The following ERBIN variants were observed in gnomAD, a reference collection of about 807,000 sequenced individuals.
ERBIN encodes the protein densin-180-like protein.
Under a neutral mutation model 158.4 loss-of-function variants are expected in ERBIN, and 60 were observed. That is an observed-to-expected ratio of 0.38 (90% confidence interval 0.31 to 0.47). The LOEUF (loss-of-function observed/expected upper bound fraction) is 0.47, where lower values mean the gene tolerates loss of function less well. ERBIN is among the 20% of genes least tolerant of loss of function. The pLI is 0.99. For missense variants in ERBIN, 1,610 were observed against 1,648.0 expected, an observed-to-expected ratio of 0.98 and a Z score of 0.40; for synonymous variants, 594 against 557.2, an observed-to-expected ratio of 1.07 and a Z score of -0.93.
chr5:65,973,081 T>C (rs1259046050), intron 1 of ERBIN, among the ~76,000 whole-genome samples: 2 of 150,730 alleles, frequency 1.3e-5, no homozygotes, highest in African/African-American at 5.0e-5. Context: ...TATGCAGCCA[T>C]AAAAAAGGAT....
chr5:66,055,865 A>G (rs1759529434), intron 21 of ERBIN, among the ~76,000 whole-genome samples: 1 of 152,206 alleles, frequency 6.6e-6, no homozygotes, highest in African/African-American at 2.4e-5. Flanking sequence ...ATCAGTTTAC[A>G]TGAAATCTCA....
intron 1 of ERBIN, among the ~76,000 whole-genome samples, chr5:65,977,461 G>A (rs1426073608): frequency 6.6e-6 from 1 of 150,632 alleles, no homozygotes; most frequent in Non-Finnish European, 1.5e-5. Context: ...CCAGGCAGAG[G>A]GTCTCCTCAC....
chr5:65,930,137 C>T (rs1743187751), intron 1 of ERBIN, among the ~76,000 whole-genome samples: 1 of 152,100 alleles, frequency 6.6e-6, no homozygotes. Flanking sequence ...TTGCCATTTC[C>T]CTCTTTTCCA....
At chr5:65,980,707 A>G (rs1750557997) in intron 1 of ERBIN, among the ~76,000 whole-genome samples, 1 of 151,914 alleles carries the variant, frequency 6.6e-6, no homozygotes, top group African/African-American at 2.4e-5. Flanking sequence ...ACTAAAAGAC[A>G]AGGATTACTA....
intron 8 of ERBIN, 34 bp downstream of exon 8, chr5:66,021,419 C>T (rs762851010): frequency 2.8e-6 from 4 of 1,411,966 alleles, no homozygotes; most frequent in Non-Finnish European, 2.9e-6. Context: ...TCCCTAAGTT[C>T]TTATATTTAA....
In ERBIN at chr5:66,079,729, T is replaced by G. The variant is rs1762295105; in HGVS notation, c.*1199T>G. The G allele has an allele frequency of 1.3e-5, 2 of 152,598 alleles. No individual in the cohort carries two copies. The highest frequency in any genetic ancestry group is 4.1e-4 in the South Asian group (2 of 4,830). The allele number at this position is 152,598 out of a possible 1,614,324, so 9.5% of individuals were successfully genotyped here. A position where few individuals can be genotyped will look rare whatever the true frequency, so the allele number is the denominator to read the frequency against. On this transcript the variant is annotated 3_prime_UTR_variant, in exon 26 of 26. Transcript: ENST00000284037. ...AAAGGTGTTCAAATAAAGGGCTGTT[T>G]CTACAGGTAACATTAAATGTGAACT...
chr5:65,995,179 A>G (rs1034669173), intron 4 of ERBIN, among the ~76,000 whole-genome samples: 2 of 152,138 alleles, frequency 1.3e-5, no homozygotes, highest in African/African-American at 2.4e-5. Flanking sequence ...TTGTTTTTAC[A>G]TTTTTAATTG....
chr5:65,985,997 T>G (rs769553509), intron 1 of ERBIN, among the ~76,000 whole-genome samples: 1 of 152,206 alleles, frequency 6.6e-6, no homozygotes, highest in Non-Finnish European at 1.5e-5. Context: ...TGTTTTCTTT[T>G]GCCTCACTTG....
chr5:65,937,236 A>AG (rs1485346061), intron 1 of ERBIN, among the ~76,000 whole-genome samples: 13 of 152,130 alleles, frequency 8.5e-5, no homozygotes, highest in African/African-American at 3.1e-4. Flanking sequence ...CAGTCTCTTT[A>AG]TGCCTTTTGG....
rs1269334942 is a variant in ERBIN at position 66,080,463 on chromosome 5, A to T, written c.*1933A>T. The stretch of plus-strand genomic sequence containing the variant: ...TATTTTGATAAAATTCACTTATTGT[A>T]TGTGTGTTGTAATCTAAAAAAAAAA... On this transcript the variant is annotated 3_prime_UTR_variant, in exon 26 of 26. Transcript: ENST00000284037. The T allele has an allele frequency of 6.6e-6, 1 of 150,540 alleles. No individual in the cohort carries two copies. Among genetic ancestry groups the T allele is most frequent in the Non-Finnish European group, 1.5e-5 (1 of 67,724 alleles). 9.3% of individuals were successfully genotyped at this position (150,540 alleles called of 1,614,324 possible).
chr5:66,039,004 T>C (rs917379504), intron 15 of ERBIN, among the ~76,000 whole-genome samples: 1 of 151,644 alleles, frequency 6.6e-6, no homozygotes, highest in Non-Finnish European at 1.5e-5. Flanking sequence ...AAATTGTTTT[T>C]AGTATATGTT....
intron 1 of ERBIN, among the ~76,000 whole-genome samples, chr5:65,938,842 C>T (rs992618944): frequency 6.6e-6 from 1 of 152,032 alleles, no homozygotes; most frequent in Non-Finnish European, 1.5e-5. Flanking sequence ...TGAGCCACCG[C>T]GCCCGGCCAG....
At chr5:66,064,411 C>T (rs1041088176) in intron 21 of ERBIN, among the ~76,000 whole-genome samples, 1 of 152,154 alleles carries the variant, frequency 6.6e-6, no homozygotes, top group African/African-American at 2.4e-5. Flanking sequence ...CCTTGCTATA[C>T]AAATATTTCT....
At position 66,004,004 on chromosome 5, in the gene ERBIN, T is replaced by A. The variant is rs375214166; in HGVS notation, c.308-8045T>A. ...CCCAGGCTGGAGTACAGTGGCATGA[T>A]CATAGCTCACTGCATCCCGAACTCT... On this transcript the variant is annotated intron_variant, in intron 4 of 25. Transcript: ENST00000284037. Among the ~76,000 whole-genome samples, 9 of 146,178 alleles carry A rather than the reference T, an allele frequency of 6.2e-5. 1 individual carries two copies. The South Asian group carries it at 1.1e-3, about 19-fold the overall frequency.
At chr5:65,992,117 T>C (rs528924761) in intron 2 of ERBIN, among the ~76,000 whole-genome samples, 18 of 152,296 alleles carry the variant, frequency 1.2e-4, no homozygotes, top group African/African-American at 3.6e-4. Flanking sequence ...ATTAGAGTTT[T>C]TCTTGTTGAG....
intron 6 of ERBIN, among the ~76,000 whole-genome samples, chr5:66,014,062 A>G (rs1754473727): frequency 6.6e-6 from 1 of 152,164 alleles, no homozygotes; most frequent in African/African-American, 2.4e-5. Flanking sequence ...AATTTTTTAA[A>G]CAAACAGATG....
chr5:65,966,649 C>T (rs1291257402), intron 1 of ERBIN, among the ~76,000 whole-genome samples: 1 of 138,420 alleles, frequency 7.2e-6, no homozygotes, highest in Non-Finnish European at 1.5e-5. Flanking sequence ...CCTTGCACTC[C>T]AGCCTGGGCA....
intron 1 of ERBIN, among the ~76,000 whole-genome samples, chr5:65,987,172 T>G (rs771484011): frequency 6.6e-6 from 1 of 152,154 alleles, no homozygotes; most frequent in Non-Finnish European, 1.5e-5. Flanking sequence ...ACCCATTTCT[T>G]GTTTACCCCT....
Position 66,013,432 on chromosome 5 carries a change from C to CATA in ERBIN, c.387-115_387-113dup, listed in dbSNP as rs1754412411. On this transcript the variant is annotated intron_variant, in intron 5 of 25. Transcript: ENST00000284037. ...AGGGGCTCTCATAAAAGTAGCCACT[C>CATA]ATAACAGAAGCGACTGTTTTCTGTC... 24 of 755,970 alleles carry CATA rather than the reference C, an allele frequency of 3.2e-5. 1 individual carries two copies. The South Asian group carries it at 3.8e-4, about 12-fold the overall frequency. 46.8% of individuals were successfully genotyped at this position (755,970 alleles called of 1,614,324 possible). A position where few individuals can be genotyped will look rare whatever the true frequency, so the allele number is the denominator to read the frequency against.
Sources: gnomAD v4.1 joint callset for allele counts (sites outside exome capture counted in the v4.1 genomes callset) on GRCh38, gnomAD v4.1.1 for gene constraint, MANE v1.5 for transcripts, NCBI Gene and HGNC (gene_info 2026-07-23, HGNC 2026-07-21) for gene names.